Variants in TRIM26 observed in about 807,000 individuals in gnomAD.
TRIM26 encodes tripartite motif containing 26, also known as tripartite motif-containing protein 26.
Under a neutral mutation model 45.5 loss-of-function variants are expected in TRIM26, and 16 were observed. The observed-to-expected ratio is 0.35, with a 90% CI of 0.24 to 0.53. The LOEUF is 0.53. Among genes scored for constraint, TRIM26 ranks in the 20% least tolerant of loss-of-function variants. The pLI, the probability that TRIM26 is intolerant of heterozygous loss-of-function variation, is 0.92. For missense variants in TRIM26, 442 were observed against 691.1 expected (o/e 0.64, Z 4.04); for synonymous variants, 273 against 290.4 (o/e 0.94, Z 0.61).
intron 6 of TRIM26, among the ~76,000 whole-genome samples, chr6:30,193,134 ATATGTGTG>A (rs1203965360): frequency 0.01 from 547 of 54,486 alleles, 12 homozygotes; most frequent in Middle Eastern, 0.037. Context: ...ATATATACAT[ATATGTGTG>A]TGTGTGTGTG....
rs182148337 is a variant in TRIM26, at chr6:30,206,635, T to C, written c.-375-1870A>G. Among the ~76,000 whole-genome samples, 157 of 152,364 alleles carry C rather than the reference T, an allele frequency of 1.0e-3. 3 individuals carry two copies. Among genetic ancestry groups the C allele is most frequent in the Non-Finnish European group, 9.8e-4 (67 of 68,034 alleles). On this transcript the variant is annotated intron_variant, in intron 1 of 9. Coordinates refer to ENST00000454678, the MANE Select transcript of TRIM26 (RefSeq NM_003449.5). ...GTCACTTGGTGCTTTGCACCAAATA[T>C]AGGAAGGAATCCTTTATCATCTTGT...
At chr6:30,208,904 A>ATCTG (rs71550189) in intron 1 of TRIM26, among the ~76,000 whole-genome samples, 17,040 of 140,736 alleles carry the variant, frequency 0.12, 1,258 homozygotes, top group Non-Finnish European at 0.16. Flanking sequence ...GATATAGAAT[A>ATCTG]TGTGTGTGTG....
chr6:30,197,171 T>C (rs965525795), intron 5 of TRIM26, among the ~76,000 whole-genome samples: 2 of 152,190 alleles, frequency 1.3e-5, no homozygotes, highest in African/African-American at 4.8e-5. Context: ...AGCACCCCAC[T>C]GTTCAGTCTA....
At chr6:30,191,456 G>A (rs932574365) in intron 6 of TRIM26, among the ~76,000 whole-genome samples, 1 of 150,782 alleles carries the variant, frequency 6.6e-6, no homozygotes, top group Non-Finnish European at 1.5e-5. Flanking sequence ...CTTCTGTAGA[G>A]CTGACATTCT....
At position 30,196,559 on chromosome 6, in the gene TRIM26, T is replaced by C. The variant is rs1309718247; in HGVS notation, c.722A>G (p.Glu241Gly). 5 of 1,611,598 alleles carry C rather than the reference T, an allele frequency of 3.1e-6. No homozygotes were observed. The highest frequency in any genetic ancestry group is 3.4e-6 in the Non-Finnish European group (4 of 1,180,016). ...ELARLALVIS[E>G]LEGKAQQPAA... ...TGGCTGCTGCGCCTTGCCCTCCAGT[T>C]CGGAGATGACCAGGGCCAGCCGGGC... Residue 241 changes from glutamate (E) to glycine (G), a missense_variant, in exon 6 of 10, where the codon GAA becomes GGA. Transcript: ENST00000454678. This position sits in a 1 kb window ranked among gnomAD's most constrained non-coding sequence, Gnocchi z 4.9.
chr6:30,193,154 G>GTATATATATATATA (rs1562199733), intron 6 of TRIM26, among the ~76,000 whole-genome samples: 1 of 49,156 alleles, frequency 2.0e-5, no homozygotes, highest in African/African-American at 1.1e-4. Flanking sequence ...GTGTGTGTGT[G>GTATATATATATATA]TGTGTGTGTA....
intron 3 of TRIM26, among the ~76,000 whole-genome samples, chr6:30,199,592 G>A (rs1776888195): frequency 6.6e-6 from 1 of 151,460 alleles, no homozygotes; most frequent in Admixed American, 6.6e-5. Context: ...CACACGAGCA[G>A]TCATGGGGGT....
Position 30,185,692 on chromosome 6 carries a change from T to C in TRIM26, c.*184A>G. The C allele has an allele frequency of 4.4e-6, 3 of 678,424 alleles. No homozygotes were observed. The highest frequency in any genetic ancestry group is 3.0e-5 in the Admixed American group (1 of 32,932). 42.0% of individuals were successfully genotyped at this position (678,424 alleles called of 1,614,324 possible). A position where few individuals can be genotyped will look rare whatever the true frequency, so the allele number is the denominator to read the frequency against. ...TGGGAAAAGAGCCCCATTAGGGCAGTAGATGGAGCAACAGCACTGAGTGAG... is the reference window on the plus strand; with the variant it reads ...TGGGAAAAGAGCCCCATTAGGGCAGCAGATGGAGCAACAGCACTGAGTGAG... On this transcript the variant is annotated 3_prime_UTR_variant, in exon 10 of 10. Coordinates refer to ENST00000454678, the MANE Select transcript of TRIM26 (RefSeq NM_003449.5). This position sits in a 1 kb window ranked among gnomAD's most constrained non-coding sequence, Gnocchi z 5.7.
At position 30,190,072 on chromosome 6, in the gene TRIM26, A is replaced by C. The variant is rs1452136651; in HGVS notation, c.766-37T>G. 1.2e-6 allele frequency: 2 copies of C among 1,611,400 alleles called. No homozygotes were observed. Among genetic ancestry groups the C allele is most frequent in the African/African-American group, 1.3e-5 (1 of 74,990 alleles). ...AGAAAAAAGCACAAGTATCAATATG[A>C]ATCAAATAAGACTTCAATGCATCTG... is the stretch of plus-strand genomic sequence containing the variant. On this transcript the variant is annotated intron_variant, in intron 6 of 9. Coordinates refer to ENST00000454678, the MANE Select transcript of TRIM26 (RefSeq NM_003449.5). The surrounding 1 kb of genome is among the most constrained non-coding windows in gnomAD (Gnocchi z 4.3).
chr6:30,186,149 CT>C lies in TRIM26; in HGVS notation c.1346del (p.Lys449ArgfsTer52). On this transcript the variant is annotated frameshift_variant, in exon 10 of 10. Coordinates refer to ENST00000454678, the MANE Select transcript of TRIM26 (RefSeq NM_003449.5). LOFTEE classifies it high-confidence loss of function. This position sits in a 1 kb window ranked among gnomAD's most constrained non-coding sequence, Gnocchi z 7.4. The stretch of plus-strand genomic sequence containing the variant: ...CCTCTGGCCGCAGGGAGAGGTCTCC[CT>C]TCCTCTTCACAGAGTCTCTAGCCAC... ...VGVARDSVKR[K>X]GDLSLRPEDG... 6.3e-7 allele frequency: 1 copy of C among 1,594,838 alleles called. No homozygotes were observed. Among genetic ancestry groups the C allele is most frequent in the Non-Finnish European group, 8.5e-7 (1 of 1,170,242 alleles).
intron 1 of TRIM26, among the ~76,000 whole-genome samples, chr6:30,210,721 C>T (rs888827872): frequency 8.8e-6 from 1 of 113,244 alleles, no homozygotes; most frequent in Admixed American, 8.8e-5. Flanking sequence ...AATAACACAA[C>T]AGAATAACAA....
intron 1 of TRIM26, among the ~76,000 whole-genome samples, chr6:30,210,054 A>C (rs1778120226): frequency 6.6e-6 from 1 of 150,748 alleles, no homozygotes; most frequent in South Asian, 2.1e-4. Context: ...AAAATACAAA[A>C]ATTAGCCGGG....
intron 1 of TRIM26, among the ~76,000 whole-genome samples, chr6:30,205,846 T>C (rs942869127): frequency 6.6e-6 from 1 of 152,182 alleles, no homozygotes; most frequent in Non-Finnish European, 1.5e-5. Context: ...CTCCGGCTCC[T>C]AGATGCCACC....
rs1423448726 is a variant in TRIM26 at position 30,184,847 on chromosome 6, A to C, written c.*1029T>G. 6.5e-6 allele frequency: 1 copy of C among 152,864 alleles called. No homozygotes were observed. Among genetic ancestry groups the C allele is most frequent in the African/African-American group, 2.4e-5 (1 of 41,424 alleles). 9.5% of individuals were successfully genotyped at this position (152,864 alleles called of 1,614,324 possible). Reference sequence around the variant, plus strand: ...CTGGACAGAGGTTGGGTCCGTGGGCAATGAGAAGACATGTTACTCCCTCTC... The same window carrying C: ...CTGGACAGAGGTTGGGTCCGTGGGCCATGAGAAGACATGTTACTCCCTCTC... On this transcript the variant is annotated 3_prime_UTR_variant, in exon 10 of 10. Coordinates refer to ENST00000454678, the MANE Select transcript of TRIM26 (RefSeq NM_003449.5).
At chr6:30,194,625 G>A (rs191093434) in intron 6 of TRIM26, among the ~76,000 whole-genome samples, 87 of 152,332 alleles carry the variant, frequency 5.7e-4, no homozygotes, top group African/African-American at 2.0e-3. Context: ...GGAGGCTGAG[G>A]CAGGCGATCA....
chr6:30,196,852 AG>A lies in TRIM26; in HGVS notation c.535-107del. 1 of 1,096,092 alleles carries A rather than the reference AG, an allele frequency of 9.1e-7. No homozygotes were observed. The highest frequency in any genetic ancestry group is 1.4e-5 in the South Asian group (1 of 68,966). 67.9% of individuals were successfully genotyped at this position (1,096,092 alleles called of 1,614,324 possible). A position where few individuals can be genotyped will look rare whatever the true frequency, so the allele number is the denominator to read the frequency against. On this transcript the variant is annotated intron_variant, in intron 5 of 9. Coordinates refer to ENST00000454678, the MANE Select transcript of TRIM26 (RefSeq NM_003449.5). This position sits in a 1 kb window ranked among gnomAD's most constrained non-coding sequence, Gnocchi z 4.9. ...CTCGTTCACCTCGCTACCCCCGTTC[AG>A]GAATTCTACAGGATCTGGAGTGGGA...
chr6:30,204,360 G>A (rs1023099133), intron 2 of TRIM26, among the ~76,000 whole-genome samples: 1 of 152,206 alleles, frequency 6.6e-6, no homozygotes, highest in African/African-American at 2.4e-5. Context: ...GAAGGGCTTT[G>A]TAAGCGGAGT....
At chr6:30,194,234 A>C (rs1383076642) in intron 6 of TRIM26, among the ~76,000 whole-genome samples, 2 of 150,734 alleles carry the variant, frequency 1.3e-5, no homozygotes, top group Non-Finnish European at 3.0e-5. Flanking sequence ...TATATACACA[A>C]TGGAGTACTA....
intron 1 of TRIM26, 28 bp downstream of exon 1, chr6:30,213,277 G>C (rs1170527177): frequency 6.6e-6 from 1 of 152,278 alleles, no homozygotes; most frequent in African/African-American, 2.4e-5. Context: ...TTGCTTCGCT[G>C]TATGTCTCAT....
Sources: allele counts gnomAD v4.1 joint callset (sites outside exome capture counted in the v4.1 genomes callset), GRCh38; gene constraint gnomAD v4.1.1; non-coding constraint Gnocchi (gnomAD v3.1); transcripts MANE v1.5; gene names NCBI Gene and HGNC (gene_info 2026-07-23, HGNC 2026-07-21).